RLF: variants seen among roughly 807,000 people sequenced by gnomAD.
RLF encodes zinc finger protein Rlf.
Under a neutral mutation model 162.9 loss-of-function variants are expected in RLF, and 7 were observed. The observed-to-expected ratio is 0.04, with a 90% CI of 0.02 to 0.08. RLF has a LOEUF of 0.08. Ranked by LOEUF, RLF falls within the 10% of genes least tolerant of loss-of-function variation. The pLI is 1.00. For missense variants in RLF, 1,664 were observed against 2,244.7 expected (o/e 0.74, Z 5.23); for synonymous variants, 782 against 791.5 (o/e 0.99, Z 0.20).
chr1:40,225,350 G>T (rs377546616), intron 6 of RLF, among the ~76,000 whole-genome samples: 1 of 151,996 alleles, frequency 6.6e-6, no homozygotes, highest in African/African-American at 2.4e-5. Flanking sequence ...AGACTGAGGC[G>T]GGTGGATCAT....
chr1:40,227,576 A>G (rs1643094505), intron 6 of RLF, among the ~76,000 whole-genome samples: 1 of 152,202 alleles, frequency 6.6e-6, no homozygotes. Context: ...ATTTATAACT[A>G]TGCAAATATT....
In RLF at chr1:40,236,185, A is replaced by G; in HGVS notation, c.1483A>G (p.Ser495Gly). The G allele has an allele frequency of 6.2e-7, 1 of 1,613,906 alleles. No homozygotes were observed. The highest frequency in any genetic ancestry group is 8.5e-7 in the Non-Finnish European group (1 of 1,179,964). The change falls in exon 8 of 8, where the codon AGT becomes GGT. Residue 495 changes from serine to glycine, a missense_variant. Physicochemically the swap from Ser to Gly is moderately conservative, Grantham distance 56. This residue lies in a region of RLF where 54 missense variants were observed against 71.7 expected (regional missense o/e 0.75). Transcript: ENST00000372771. This position sits in a 1 kb window ranked among gnomAD's most constrained non-coding sequence, Gnocchi z 7.7. ...QEASDSDDDL[S>G]GYEMSINDTD... ...AGCCTCAGATTCTGATGATGATTTA[A>G]GTGGCTATGAAATGTCCATTAATGA...
In RLF at chr1:40,185,190, T is replaced by C. The variant is rs369775466; in HGVS notation, c.238-3865T>C. Among the ~76,000 whole-genome samples, 5 of 152,108 alleles carry C rather than the reference T, an allele frequency of 3.3e-5. No individual in the cohort carries two copies. In the East Asian group the frequency reaches 5.9e-4, roughly 18 times the overall value. On this transcript the variant is annotated intron_variant, in intron 1 of 7. Transcript: ENST00000372771. ...ACTTGAGCCTAGGAGTTTGAGGTTA[T>C]AGTGAGCTGTGATTGAACCACTGAA...
At chr1:40,174,294 C>A (rs1335855396) in intron 1 of RLF, among the ~76,000 whole-genome samples, 1 of 152,126 alleles carries the variant, frequency 6.6e-6, no homozygotes, top group African/African-American at 2.4e-5. Context: ...TCGCTTGAAC[C>A]CTGGTGACAG....
intron 5 of RLF, among the ~76,000 whole-genome samples, chr1:40,208,208 A>G (rs1322737389): frequency 6.6e-6 from 1 of 152,200 alleles, no homozygotes; most frequent in Non-Finnish European, 1.5e-5. Flanking sequence ...GTTTTGGGGA[A>G]TGACCTTACA....
intron 1 of RLF, among the ~76,000 whole-genome samples, chr1:40,183,833 A>T (rs1400175995): frequency 1.3e-5 from 2 of 152,136 alleles, no homozygotes; most frequent in African/African-American, 4.8e-5. Flanking sequence ...GGAGTTGTGC[A>T]TATTAAATAA....
At chr1:40,170,862 T>C (rs1642234248) in intron 1 of RLF, among the ~76,000 whole-genome samples, 1 of 152,170 alleles carries the variant, frequency 6.6e-6, no homozygotes, top group South Asian at 2.1e-4. Context: ...GCAACATAGG[T>C]AGGCCGGGAT....
At chr1:40,194,273 A>G (rs1642599471) in intron 3 of RLF, among the ~76,000 whole-genome samples, 1 of 152,186 alleles carries the variant, frequency 6.6e-6, no homozygotes, top group South Asian at 2.1e-4. Context: ...ATACTCCTGT[A>G]ATTCCTGTTA....
At chr1:40,234,561 C>T (rs1369378776) in intron 7 of RLF, among the ~76,000 whole-genome samples, 2 of 152,078 alleles carry the variant, frequency 1.3e-5, no homozygotes, top group Non-Finnish European at 2.9e-5. Context: ...AATGTGCCAG[C>T]GTTATTATTT....
At chr1:40,234,962 T>G (rs553206375) in intron 7 of RLF, among the ~76,000 whole-genome samples, 1 of 152,246 alleles carries the variant, frequency 6.6e-6, no homozygotes, top group East Asian at 1.9e-4. Flanking sequence ...TGACGGTGAC[T>G]ATAAATTACC....
intron 7 of RLF, among the ~76,000 whole-genome samples, chr1:40,234,880 T>C (rs934156877): frequency 1.6e-4 from 25 of 152,324 alleles, no homozygotes; most frequent in African/African-American, 5.8e-4. Context: ...AACTAGTTTC[T>C]GAGAACCTGC....
In RLF at chr1:40,237,239, G is replaced by T. The variant is rs543884039; in HGVS notation, c.2537G>T (p.Gly846Val). The part of the protein sequence containing the change: ...KSVKLEESAT[G>V]EKQDCINQPH... ...GTGAAACTTGAGGAGTCTGCAACAG[G>T]TGAAAAGCAAGATTGTATTAATCAG... Residue 846 changes from glycine to valine, a missense_variant, in exon 8 of 8, where the codon GGT becomes GTT. Gly to Val is a moderately radical substitution (Grantham distance 109, BLOSUM62 -3). Coordinates refer to ENST00000372771, the MANE Select transcript of RLF (RefSeq NM_012421.4). The surrounding 1 kb of genome is among the most constrained non-coding windows in gnomAD (Gnocchi z 4.4). The T allele has an allele frequency of 1.2e-6, 2 of 1,613,946 alleles. No homozygotes were observed. Among genetic ancestry groups the T allele is most frequent in the Admixed American group, 3.3e-5 (2 of 59,994 alleles).
At chr1:40,165,434 C>G (rs1642151394) in intron 1 of RLF, among the ~76,000 whole-genome samples, 1 of 152,188 alleles carries the variant, frequency 6.6e-6, no homozygotes, top group Non-Finnish European at 1.5e-5. Context: ...AGATCTCAGG[C>G]CGTGTCTTTC....
chr1:40,177,338 G>A (rs1642341398), intron 1 of RLF, among the ~76,000 whole-genome samples: 1 of 147,508 alleles, frequency 6.8e-6, no homozygotes, highest in Non-Finnish European at 1.5e-5. Flanking sequence ...CACCCAGGCT[G>A]GAGTGCAGTG....
chr1:40,182,581 C>T (rs1570524116), intron 1 of RLF, among the ~76,000 whole-genome samples: 1 of 151,998 alleles, frequency 6.6e-6, no homozygotes, highest in East Asian at 1.9e-4. Context: ...ACTTTTATGA[C>T]AAGACAGTAA....
Position 40,202,509 on chromosome 1 carries a change from A to G in RLF, c.705A>G (p.Ser235=). The G allele has an allele frequency of 6.3e-7, 1 of 1,577,368 alleles. No individual in the cohort carries two copies. The highest frequency in any genetic ancestry group is 8.6e-7 in the Non-Finnish European group (1 of 1,169,504). ...GCATCCCCCAGGCTACTGCTTTATC[A>G]AAACTATGTGCAGAATCTAAAGAAA... is the stretch of plus-strand genomic sequence containing the variant. ...SNCIPQATAL[S]KLCAESKEIS... The change falls in exon 5 of 8, where the codon TCA becomes TCG. Residue 235 remains serine, a synonymous_variant. Transcript: ENST00000372771.
rs1016840003 is a variant in RLF, at chr1:40,222,648, A to G, written c.885A>G (p.Ala295=). The change falls in exon 6 of 8, where the codon GCA becomes GCG. Residue 295 remains alanine, a synonymous_variant. Coordinates refer to ENST00000372771, the MANE Select transcript of RLF (RefSeq NM_012421.4). The part of the protein sequence containing the change: ...NLESEGQDNT[A]FVLCTTYLTQ... ...AATCTGAGGGGCAGGATAACACAGC[A>G]TTTGTTCTTTGTACGACTTACCTTA... 1.6e-5 allele frequency: 26 copies of G among 1,613,384 alleles called. No homozygotes were observed. The highest frequency in any genetic ancestry group is 2.1e-5 in the Non-Finnish European group (25 of 1,179,818).
At chr1:40,218,240 A>G (rs1278399919) in intron 5 of RLF, among the ~76,000 whole-genome samples, 1 of 152,050 alleles carries the variant, frequency 6.6e-6, no homozygotes, top group Non-Finnish European at 1.5e-5. Context: ...AAGTACCATC[A>G]CCCTCTAACT....
In RLF at chr1:40,182,257, C is replaced by T. The variant is rs1642414611; in HGVS notation, c.238-6798C>T. Among the ~76,000 whole-genome samples the T allele has an allele frequency of 4.6e-5, 7 of 151,800 alleles. No homozygotes were observed. The South Asian group carries it at 1.5e-3, about 32-fold the overall frequency. ...GACCATCCTGGCCAACATGGTGAAA[C>T]CCCCGTCTCTACTAAAAATACAAAA... On this transcript the variant is annotated intron_variant, in intron 1 of 7. Transcript: ENST00000372771.
Sources: gnomAD v4.1 joint callset for allele counts (sites outside exome capture counted in the v4.1 genomes callset) on GRCh38, gnomAD v4.1.1 for gene constraint, gnomAD v4.1.1 regional missense constraint, Gnocchi (gnomAD v3.1) non-coding constraint, MANE v1.5 for transcripts, NCBI Gene and HGNC (gene_info 2026-07-23, HGNC 2026-07-21) for gene names.